The following KCNB2 variants were observed in gnomAD, a reference collection of about 807,000 sequenced individuals.
The protein encoded by KCNB2 is delayed rectifier potassium channel protein.
A neutral mutation model predicts 61.5 loss-of-function variants in KCNB2; 15 were observed. The ratio of observed to expected loss-of-function variants is 0.24; its 90% CI spans 0.16 to 0.38. The LOEUF is 0.38. Ranked by LOEUF, KCNB2 falls within the 10% of genes least tolerant of loss-of-function variation. KCNB2 has a pLI of 1.00. For synonymous variants in KCNB2, 457 were observed against 446.0 expected (o/e 1.02, Z -0.31); for missense variants, 828 against 1,125.2 (o/e 0.74, Z 3.78).
intron 2 of KCNB2, among the ~76,000 whole-genome samples, chr8:72,625,749 T>C (rs780884237): frequency 5.5e-4 from 84 of 152,144 alleles, no homozygotes; most frequent in Non-Finnish European, 1.1e-3. Flanking sequence ...ATTTCTTTTC[T>C]GGTCCAAAGG....
intron 2 of KCNB2, among the ~76,000 whole-genome samples, chr8:72,919,182 T>G (rs181735000): frequency 1.1e-4 from 16 of 152,342 alleles, no homozygotes; most frequent in Admixed American, 2.0e-4. Context: ...GGTGTTTCTA[T>G]GAGAATTTTT....
chr8:72,688,417 A>C (rs965564842), intron 2 of KCNB2, among the ~76,000 whole-genome samples: 1 of 151,992 alleles, frequency 6.6e-6, no homozygotes, highest in Non-Finnish European at 1.5e-5. Flanking sequence ...TTGGGCTATC[A>C]TCTAGCTAAT....
In KCNB2 at chr8:72,586,842, C is replaced by T. The variant is rs181923998; in HGVS notation, c.579+18529C>T. Reference sequence around the variant, plus strand: ...CCACATCACATTTTTTAAAAGCTGCCTCCAGTCCTAGGACCTGGGTCACTT... The same window carrying T: ...CCACATCACATTTTTTAAAAGCTGCTTCCAGTCCTAGGACCTGGGTCACTT... On this transcript the variant is annotated intron_variant, in intron 2 of 2. Coordinates refer to ENST00000523207, the MANE Select transcript of KCNB2 (RefSeq NM_004770.3). Among the ~76,000 whole-genome samples the T allele has an allele frequency of 4.6e-3, 708 of 152,286 alleles. 6 individuals are homozygous for T. The highest frequency in any genetic ancestry group is 0.016 in the African/African-American group (678 of 41,548).
chr8:72,721,936 G>T (rs542360134), intron 2 of KCNB2, among the ~76,000 whole-genome samples: 1 of 152,142 alleles, frequency 6.6e-6, no homozygotes, highest in Non-Finnish European at 1.5e-5. Context: ...CAAGCTGTCC[G>T]AGACTAAATG....
intron 2 of KCNB2, among the ~76,000 whole-genome samples, chr8:72,777,588 T>C (rs1200800249): frequency 6.6e-6 from 1 of 152,216 alleles, no homozygotes; most frequent in African/African-American, 2.4e-5. Context: ...GCCACCATGT[T>C]TTTTCTAAGA....
At chr8:72,868,077 T>TTA (rs1215382123) in intron 2 of KCNB2, among the ~76,000 whole-genome samples, 2 of 136,810 alleles carry the variant, frequency 1.5e-5, no homozygotes, top group African/African-American at 6.3e-5. Flanking sequence ...TATTATTTAT[T>TTA]TTTTTTTTTT....
At chr8:72,559,904 C>T (rs967285229) in intron 1 of KCNB2, among the ~76,000 whole-genome samples, 1 of 152,132 alleles carries the variant, frequency 6.6e-6, no homozygotes, top group African/African-American at 2.4e-5. Flanking sequence ...CAACTGAGGT[C>T]AGACAAGTCA....
At chr8:72,863,573 G>A (rs1199523385) in intron 2 of KCNB2, among the ~76,000 whole-genome samples, 1 of 152,208 alleles carries the variant, frequency 6.6e-6, no homozygotes, top group African/African-American at 2.4e-5. Context: ...TCACCATTGT[G>A]TCATCATTAG....
chr8:72,620,094 A>T (rs1805692803), intron 2 of KCNB2, among the ~76,000 whole-genome samples: 1 of 152,262 alleles, frequency 6.6e-6, no homozygotes, highest in South Asian at 2.1e-4. Context: ...ATATATTATT[A>T]AAATTAATTT....
At chr8:72,540,720 C>G (rs550907953) in intron 1 of KCNB2, among the ~76,000 whole-genome samples, 1 of 152,080 alleles carries the variant, frequency 6.6e-6, no homozygotes, top group African/African-American at 2.4e-5. Flanking sequence ...ACTGCAAGTA[C>G]GGGTTGTGAG....
intron 2 of KCNB2, chr8:72,751,839 C>T (rs951260123): frequency 6.6e-6 from 1 of 152,156 alleles, no homozygotes; most frequent in Non-Finnish European, 1.5e-5. Context: ...TGCCCATACA[C>T]ACACAAAATG....
At chr8:72,855,444 A>G (rs1023637289) in intron 2 of KCNB2, among the ~76,000 whole-genome samples, 2 of 152,108 alleles carry the variant, frequency 1.3e-5, no homozygotes, top group African/African-American at 4.8e-5. Flanking sequence ...TGCTCAGCTC[A>G]AACAACCCCT....
intron 2 of KCNB2, among the ~76,000 whole-genome samples, chr8:72,795,258 T>C (rs2094664830): frequency 6.6e-6 from 1 of 152,236 alleles, no homozygotes; most frequent in Non-Finnish European, 1.5e-5. Context: ...ATTTTCTACT[T>C]GCCTATTTAA....
At chr8:72,647,482 C>T (rs1806147256) in intron 2 of KCNB2, among the ~76,000 whole-genome samples, 1 of 152,042 alleles carries the variant, frequency 6.6e-6, no homozygotes, top group African/African-American at 2.4e-5. Context: ...TCTTTGGACA[C>T]CTACTCAGAG....
At chr8:72,835,767 C>T (rs1211964615) in intron 2 of KCNB2, among the ~76,000 whole-genome samples, 1 of 152,188 alleles carries the variant, frequency 6.6e-6, no homozygotes, top group Non-Finnish European at 1.5e-5. Context: ...CTTTCCCTAA[C>T]CATTGCAAAT....
chr8:72,728,772 G>A (rs1032979937), intron 2 of KCNB2, among the ~76,000 whole-genome samples: 6 of 152,170 alleles, frequency 3.9e-5, no homozygotes, highest in African/African-American at 1.2e-4. Flanking sequence ...GGGCCTGGAA[G>A]TATCGTGAGG....
intron 2 of KCNB2, among the ~76,000 whole-genome samples, chr8:72,917,287 C>A (rs1254469120): frequency 6.6e-6 from 1 of 152,070 alleles, no homozygotes; most frequent in Non-Finnish European, 1.5e-5. Flanking sequence ...GAATTTAGCA[C>A]CAAATAAACT....
chr8:72,887,353 A>T (rs1040029766), intron 2 of KCNB2, among the ~76,000 whole-genome samples: 4 of 152,216 alleles, frequency 2.6e-5, no homozygotes, highest in Admixed American at 2.6e-4. Context: ...AATATTACCT[A>T]AAAGCACAGA....
chr8:72,690,356 G>T (rs1243166126), intron 2 of KCNB2, among the ~76,000 whole-genome samples: 1 of 152,172 alleles, frequency 6.6e-6, no homozygotes, highest in East Asian at 1.9e-4. Context: ...GAAGCAAATT[G>T]CTGTCATTAC....
Sources: allele counts gnomAD v4.1 joint callset (sites outside exome capture counted in the v4.1 genomes callset), GRCh38; gene constraint gnomAD v4.1.1; transcripts MANE v1.5; gene names NCBI Gene and HGNC (gene_info 2026-07-23, HGNC 2026-07-21).